XKR7: variants seen among roughly 807,000 people sequenced by gnomAD.
The protein encoded by XKR7 is XK-related protein 7.
In XKR7, 11 loss-of-function variants were observed where a neutral mutation model predicts 42.2. That is an observed-to-expected ratio of 0.26 (90% CI 0.16 to 0.43). The LOEUF (loss-of-function observed/expected upper bound fraction) is 0.43, where lower values mean the gene tolerates loss of function less well. XKR7 is among the 20% of genes least tolerant of loss of function. The pLI is 1.00. For missense variants in XKR7, 710 were observed against 802.2 expected (o/e 0.89, Z 1.39); for synonymous variants, 346 against 366.4 (o/e 0.94, Z 0.64).
Position 31,992,997 on chromosome 20 carries a change from C to T in XKR7, c.585-2071C>T, listed in dbSNP as rs80331444. Among the ~76,000 whole-genome samples, 38 of 152,106 alleles carry T rather than the reference C, an allele frequency of 2.5e-4. No individual in the cohort carries two copies. The East Asian group carries it at 6.8e-3, about 27-fold the overall frequency. ...CCAAACAACATCCTGGAAATGCCAG[C>T]GCTTCACCCTGGGAATAGACCCCAA... On this transcript the variant is annotated intron_variant, in intron 1 of 2. Coordinates refer to ENST00000562532, the MANE Select transcript of XKR7 (RefSeq NM_001011718.2).
chr20:31,972,147 T>C (rs1311180184), intron 1 of XKR7, among the ~76,000 whole-genome samples: 1 of 152,184 alleles, frequency 6.6e-6, no homozygotes, highest in Admixed American at 6.5e-5. Context: ...GGAGAAAGCA[T>C]ACACAGACAC....
At position 31,996,943 on chromosome 20, in the gene XKR7, C is replaced by T; in HGVS notation, c.1226C>T (p.Ser409Leu). The change falls in exon 3 of 3, where the codon TCA becomes TTA. Residue 409 changes from serine (S) to leucine (L), a missense_variant. This residue lies in a region of XKR7 where 708 missense variants were observed against 786.2 expected (regional missense o/e 0.90). Coordinates refer to ENST00000562532, the MANE Select transcript of XKR7 (RefSeq NM_001011718.2). ...TTCTGGTACTCCAGCCGCAACTTCT[C>T]AACCGACTTCTACTCGCTCATCATG... Reference protein sequence around the residue: ...TGFWYSSRNFSTDFYSLIMVC... With the variant: ...TGFWYSSRNFLTDFYSLIMVC... 1 of 1,614,134 alleles carries T rather than the reference C, an allele frequency of 6.2e-7. No individual in the cohort carries two copies. The highest frequency in any genetic ancestry group is 8.5e-7 in the Non-Finnish European group (1 of 1,180,030).
chr20:31,990,777 ATT>A (rs72387046), intron 1 of XKR7, among the ~76,000 whole-genome samples: 3 of 149,556 alleles, frequency 2.0e-5, no homozygotes, highest in Admixed American at 6.7e-5. Context: ...TTTGGAGCCA[ATT>A]TTTTTTTTTC....
chr20:31,992,076 C>T (rs2064572662), intron 1 of XKR7, among the ~76,000 whole-genome samples: 1 of 152,230 alleles, frequency 6.6e-6, no homozygotes, highest in Non-Finnish European at 1.5e-5. Context: ...GAGATCACAC[C>T]ACTGCACTCC....
chr20:32,001,694 C>A lies in XKR7; in HGVS notation c.*4237C>A, dbSNP rs1180107245. The A allele has an allele frequency of 6.6e-6, 1 of 152,214 alleles. No homozygotes were observed. The highest frequency in any genetic ancestry group is 1.5e-5 in the Non-Finnish European group (1 of 68,112). The allele number at this position is 152,214 out of a possible 1,614,324, so 9.4% of individuals were successfully genotyped here. A position where few individuals can be genotyped will look rare whatever the true frequency, so the allele number is the denominator to read the frequency against. On this transcript the variant is annotated 3_prime_UTR_variant, in exon 3 of 3. Coordinates refer to ENST00000562532, the MANE Select transcript of XKR7 (RefSeq NM_001011718.2). Reference sequence around the variant, plus strand: ...GCTGGAGTCTTCTCCAGCTTGGGGGCCCCTGGTTAGGAGGAATCTACATTG... The same window carrying A: ...GCTGGAGTCTTCTCCAGCTTGGGGGACCCTGGTTAGGAGGAATCTACATTG...
rs776766746 is a variant in XKR7, at chr20:31,997,279, C to T, written c.1562C>T (p.Pro521Leu). The T allele has an allele frequency of 1.9e-6, 3 of 1,612,362 alleles. No homozygotes were observed. Among genetic ancestry groups the T allele is most frequent in the South Asian group, 2.2e-5 (2 of 91,088 alleles). The change falls in exon 3 of 3, where the codon CCT (proline) becomes CTT (leucine). Residue 521 changes from proline (P) to leucine (L), a missense_variant. Coordinates refer to ENST00000562532, the MANE Select transcript of XKR7 (RefSeq NM_001011718.2). ...PVARTLRTEG[P>L]VIRIDLPRKK... ...GCCCGCACCTTGCGGACAGAGGGGC[C>T]TGTCATCCGGATTGACTTGCCTCGC...
At chr20:31,974,071 TA>T (rs1188762361) in intron 1 of XKR7, among the ~76,000 whole-genome samples, 1 of 152,118 alleles carries the variant, frequency 6.6e-6, no homozygotes, top group East Asian at 1.9e-4. Context: ...TGCGCACCTG[TA>T]ATCCCAGCTA....
chr20:31,979,664 A>G (rs1234005017), intron 1 of XKR7, among the ~76,000 whole-genome samples: 1 of 152,032 alleles, frequency 6.6e-6, no homozygotes, highest in Non-Finnish European at 1.5e-5. Context: ...ACCATGTAGA[A>G]TCTCACACCC....
chr20:31,997,265 G>C lies in XKR7; in HGVS notation c.1548G>C (p.Leu516Phe). The C allele has an allele frequency of 6.2e-7, 1 of 1,612,302 alleles. No homozygotes were observed. The highest frequency in any genetic ancestry group is 1.3e-5 in the African/African-American group (1 of 75,068). ...GLPPTPVART[L>F]RTEGPVIRID... ...CTCCCACACCAGTGGCCCGCACCTT[G>C]CGGACAGAGGGGCCTGTCATCCGGA... The change falls in exon 3 of 3, where the codon TTG becomes TTC. Residue 516 changes from leucine (L) to phenylalanine (F), a missense_variant. Physicochemically the swap from Leu to Phe is conservative, Grantham distance 22. Transcript: ENST00000562532.
chr20:31,997,358 C>G lies in XKR7; in HGVS notation c.1641C>G (p.Thr547=). ...AHFIDRRLRK[T]ILALEYSSPA... ...TTATTGACCGCCGGCTCCGGAAGAC[C>G]ATCCTGGCACTGGAGTACTCCTCAC... is the stretch of plus-strand genomic sequence containing the variant. The change falls in exon 3 of 3, where the codon ACC becomes ACG. Residue 547 remains threonine, a synonymous_variant. Transcript: ENST00000562532. 1 of 1,604,118 alleles carries G rather than the reference C, an allele frequency of 6.2e-7. No homozygotes were observed. The highest frequency in any genetic ancestry group is 8.5e-7 in the Non-Finnish European group (1 of 1,179,974).
At position 31,996,552 on chromosome 20, in the gene XKR7, T is replaced by C; in HGVS notation, c.835T>C (p.Ser279Pro). The C allele has an allele frequency of 1.4e-6, 2 of 1,419,408 alleles. No individual in the cohort carries two copies. Among genetic ancestry groups the C allele is most frequent in the Non-Finnish European group, 1.9e-6 (2 of 1,076,566 alleles). The allele number at this position is 1,419,408 out of a possible 1,614,324, so 87.9% of individuals were successfully genotyped here. Reference protein sequence around the residue: ...SLVSLAWTLASYQKVLRDSRD... With the variant: ...SLVSLAWTLAPYQKVLRDSRD... ...CGTGTCTCTGGCCTGGACGCTGGCCTCCTACCAGAAGGTGCTGCGGGACTC... is the reference window on the plus strand; with the variant it reads ...CGTGTCTCTGGCCTGGACGCTGGCCCCCTACCAGAAGGTGCTGCGGGACTC... Residue 279 changes from serine (S) to proline (P), a missense_variant, in exon 3 of 3, where the codon TCC (serine) becomes CCC (proline). Ser to Pro is a moderately conservative substitution (Grantham distance 74). Around this residue, in one of 2 missense-constraint regions of XKR7, gnomAD observed 708 missense variants for 786.2 expected, o/e 0.90. Transcript: ENST00000562532.
At chr20:31,970,708 A>G (rs1408670281) in intron 1 of XKR7, 2 of 152,186 alleles carry the variant, frequency 1.3e-5, no homozygotes, top group East Asian at 3.8e-4. Flanking sequence ...GAAAGAGTCT[A>G]TGTGCTCTAA....
intron 1 of XKR7, among the ~76,000 whole-genome samples, chr20:31,994,790 C>G (rs1204376868): frequency 6.6e-6 from 1 of 152,184 alleles, no homozygotes; most frequent in Admixed American, 6.5e-5. Context: ...CCAAAGAAAG[C>G]ACGCCCCAAC....
intron 1 of XKR7, among the ~76,000 whole-genome samples, chr20:31,989,699 G>T (rs916983577): frequency 6.6e-6 from 1 of 152,198 alleles, no homozygotes. Context: ...CTGCAGCCTC[G>T]AACTCCTGGA....
rs189247157 is a variant in XKR7, at chr20:31,976,574, G to A, written c.584+7815G>A. Among the ~76,000 whole-genome samples, 8 of 152,006 alleles carry A rather than the reference G, an allele frequency of 5.3e-5. No individual in the cohort carries two copies. The East Asian group carries it at 1.4e-3, about 26-fold the overall frequency. On this transcript the variant is annotated intron_variant, in intron 1 of 2. Coordinates refer to ENST00000562532, the MANE Select transcript of XKR7 (RefSeq NM_001011718.2). ...TAATTTTTGTATTTTTAGTAGAAAC[G>A]GGGTTTCACCATATTGGCCAGACTG...
intron 1 of XKR7, among the ~76,000 whole-genome samples, chr20:31,992,968 G>A (rs1324676833): frequency 6.6e-6 from 1 of 152,018 alleles, no homozygotes; most frequent in Non-Finnish European, 1.5e-5. Context: ...GAGTCCCCTG[G>A]TTCCCAAACA....
rs756369088 is a variant in XKR7, at chr20:31,968,317, C to T, written c.142C>T (p.Pro48Ser). Residue 48 changes from proline (P) to serine (S), a missense_variant, in exon 1 of 3, where the codon CCG becomes TCG. This residue lies in a region of XKR7 where 708 missense variants were observed against 786.2 expected (regional missense o/e 0.90). Transcript: ENST00000562532. This position sits in a 1 kb window ranked among gnomAD's most constrained non-coding sequence, Gnocchi z 4.5. ...GPPGVVGAGG[P>S]GPRYELRDCC... is the part of the protein sequence containing the mutation. ...CCCGGGGGTCGTCGGGGCGGGCGGC[C>T]CGGGGCCGCGCTACGAGCTGCGGGA... The T allele has an allele frequency of 2.0e-5, 29 of 1,445,954 alleles. No individual in the cohort carries two copies. Among genetic ancestry groups the T allele is most frequent in the Non-Finnish European group, 2.4e-5 (27 of 1,103,016 alleles). 89.6% of individuals were successfully genotyped at this position (1,445,954 alleles called of 1,614,324 possible). A position where few individuals can be genotyped will look rare whatever the true frequency, so the allele number is the denominator to read the frequency against.
chr20:31,995,363 C>T lies in XKR7; in HGVS notation c.787+93C>T. 1 of 1,517,072 alleles carries T rather than the reference C, an allele frequency of 6.6e-7. No individual in the cohort carries two copies. The highest frequency in any genetic ancestry group is 1.4e-5 in the African/African-American group (1 of 71,600). The allele number at this position is 1,517,072 out of a possible 1,614,324, so 94.0% of individuals were successfully genotyped here. On this transcript the variant is annotated intron_variant, in intron 2 of 2. Transcript: ENST00000562532. The surrounding 1 kb of genome is among the most constrained non-coding windows in gnomAD (Gnocchi z 4.1). ...CCCTGGGGATGCCCTGTGGGCTTCC[C>T]CACCCCAGCTCAGGGCTCACTCAGT...
At position 31,984,773 on chromosome 20, in the gene XKR7, G is replaced by T. The variant is rs530500535; in HGVS notation, c.585-10295G>T. The stretch of plus-strand genomic sequence containing the variant: ...CCTTCCAGGCGAGGGAAGCTGCCAC[G>T]TAGGCAGCCGAGGCAACAGGGGAAT... On this transcript the variant is annotated intron_variant, in intron 1 of 2. Transcript: ENST00000562532. Among the ~76,000 whole-genome samples, 29 of 152,306 alleles carry T rather than the reference G, an allele frequency of 1.9e-4. No individual in the cohort carries two copies. The South Asian group carries it at 5.8e-3, about 31-fold the overall frequency.
Sources: allele counts gnomAD v4.1 joint callset (sites outside exome capture counted in the v4.1 genomes callset), GRCh38; gene constraint gnomAD v4.1.1; regional missense constraint gnomAD v4.1.1; non-coding constraint Gnocchi (gnomAD v3.1); transcripts MANE v1.5; gene names NCBI Gene and HGNC (gene_info 2026-07-23, HGNC 2026-07-21).